The following MAGI2 variants were observed in gnomAD, a reference collection of about 807,000 sequenced individuals.
MAGI2 encodes membrane associated guanylate kinase, WW and PDZ domain containing 2.
Under a neutral mutation model 133.3 loss-of-function variants are expected in MAGI2, and 35 were observed. The observed-to-expected ratio is 0.26, with a 90% CI of 0.20 to 0.35. The LOEUF (loss-of-function observed/expected upper bound fraction) is 0.35. Among genes scored for constraint, MAGI2 ranks in the 10% least tolerant of loss-of-function variants. The probability of loss-of-function intolerance (pLI) is 1.00; values close to 1 mark genes in which losing one functional copy is unlikely to be tolerated. For missense variants in MAGI2, 1,636 were observed against 1,863.4 expected (o/e 0.88, Z 2.25); for synonymous variants, 729 against 710.6 (o/e 1.03, Z -0.41).
At chr7:78,970,449 A>T (rs1241308397) in intron 2 of MAGI2, among the ~76,000 whole-genome samples, 1 of 152,080 alleles carries the variant, frequency 6.6e-6, no homozygotes, top group Admixed American at 6.6e-5. Flanking sequence ...GAATTAAAAT[A>T]ACTTGAGATC....
chr7:78,538,415 G>A (rs770879161), intron 3 of MAGI2, among the ~76,000 whole-genome samples: 1 of 152,158 alleles, frequency 6.6e-6, no homozygotes. Flanking sequence ...ATTGCTTTTG[G>A]CAGTGTTGTC....
intron 16 of MAGI2, chr7:78,158,082 T>C (rs1360925163): frequency 6.6e-6 from 1 of 152,192 alleles, no homozygotes; most frequent in Non-Finnish European, 1.5e-5. Context: ...CACATAAAGT[T>C]CTTATTCATT....
At chr7:78,695,041 C>A (rs557410373) in intron 2 of MAGI2, among the ~76,000 whole-genome samples, 2 of 151,944 alleles carry the variant, frequency 1.3e-5, no homozygotes, top group Non-Finnish European at 2.9e-5. Flanking sequence ...CTGGCTAACA[C>A]GGTGAAACCC....
intron 3 of MAGI2, chr7:78,615,558 G>A (rs947972221): frequency 6.6e-6 from 1 of 152,204 alleles, no homozygotes. Context: ...AGCCAAAAGG[G>A]AACAGATCCC....
intron 2 of MAGI2, among the ~76,000 whole-genome samples, chr7:78,819,118 C>G: frequency 6.6e-6 from 1 of 151,944 alleles, no homozygotes. Context: ...ACCCACATAC[C>G]CAGATCACAT....
At chr7:78,038,536 C>T (rs990050223) in intron 21 of MAGI2, among the ~76,000 whole-genome samples, 2 of 151,906 alleles carry the variant, frequency 1.3e-5, no homozygotes, top group Admixed American at 1.3e-4. Flanking sequence ...TCAAAGTGTC[C>T]TCTGTGGACC....
At chr7:79,058,840 T>C (rs1264207215) in intron 1 of MAGI2, among the ~76,000 whole-genome samples, 1 of 152,146 alleles carries the variant, frequency 6.6e-6, no homozygotes, top group African/African-American at 2.4e-5. Context: ...ATACCAGTGA[T>C]GCAGGGCACC....
chr7:79,121,678 CAAT>C (rs1287644193), intron 1 of MAGI2, among the ~76,000 whole-genome samples: 3 of 152,100 alleles, frequency 2.0e-5, no homozygotes, highest in African/African-American at 7.2e-5. Context: ...AAAGATCTTG[CAAT>C]AATCTTTGAC....
intron 1 of MAGI2, among the ~76,000 whole-genome samples, chr7:79,190,515 G>T (rs1461473806): frequency 6.6e-6 from 1 of 151,570 alleles, no homozygotes; most frequent in East Asian, 1.9e-4. Flanking sequence ...GTATATTTTG[G>T]ATACCAATTC....
chr7:78,795,578 C>T (rs1485712307), intron 2 of MAGI2, among the ~76,000 whole-genome samples: 1 of 151,984 alleles, frequency 6.6e-6, no homozygotes, highest in African/African-American at 2.4e-5. Flanking sequence ...ATTCCATGCT[C>T]ATGGATTGAA....
intron 9 of MAGI2, among the ~76,000 whole-genome samples, chr7:78,284,238 A>G (rs1170182296): frequency 6.6e-6 from 1 of 152,136 alleles, no homozygotes; most frequent in East Asian, 1.9e-4. Context: ...TTTTTTTAAG[A>G]ACCAGTTTCT....
At chr7:78,437,485 A>T (rs1800409357) in intron 6 of MAGI2, among the ~76,000 whole-genome samples, 1 of 152,164 alleles carries the variant, frequency 6.6e-6, no homozygotes, top group Admixed American at 6.5e-5. Context: ...TCAGTTTGAA[A>T]ATAAAATTTT....
At chr7:79,089,464 A>C (rs574906049) in intron 1 of MAGI2, among the ~76,000 whole-genome samples, 65 of 152,288 alleles carry the variant, frequency 4.3e-4, no homozygotes, top group African/African-American at 1.5e-3. Context: ...GTATATACCC[A>C]AAAGATTATA....
At chr7:78,510,151 A>G (rs1424942833) in intron 4 of MAGI2, among the ~76,000 whole-genome samples, 1 of 152,196 alleles carries the variant, frequency 6.6e-6, no homozygotes, top group Non-Finnish European at 1.5e-5. Flanking sequence ...AACTTTTTTT[A>G]CGTTTCCTTT....
intron 3 of MAGI2, chr7:78,554,505 A>G (rs1799617801): frequency 6.6e-6 from 1 of 152,248 alleles, no homozygotes. Context: ...TTCAGGACAC[A>G]TTACCCCAAA....
intron 1 of MAGI2, among the ~76,000 whole-genome samples, chr7:79,268,973 ATTG>A (rs1184739213): frequency 2.0e-5 from 3 of 152,176 alleles, no homozygotes; most frequent in African/African-American, 7.2e-5. Context: ...CACGTTTCAC[ATTG>A]TTTTCAAAAT....
chr7:78,564,159 G>C (rs755219615), intron 3 of MAGI2, among the ~76,000 whole-genome samples: 1 of 151,976 alleles, frequency 6.6e-6, no homozygotes, highest in Non-Finnish European at 1.5e-5. Flanking sequence ...GATAACTGTG[G>C]AAGAATCCCG....
chr7:79,018,759 C>G (rs1808998096), intron 1 of MAGI2, among the ~76,000 whole-genome samples: 1 of 152,028 alleles, frequency 6.6e-6, no homozygotes, highest in Non-Finnish European at 1.5e-5. Context: ...TAATTTCAGA[C>G]AAAACAGACT....
At chr7:79,425,382 G>C (rs976231601) in intron 1 of MAGI2, among the ~76,000 whole-genome samples, 1 of 151,926 alleles carries the variant, frequency 6.6e-6, no homozygotes, top group East Asian at 1.9e-4. Flanking sequence ...AAAATTAGTA[G>C]TATTCTGACT....
Sources: gnomAD v4.1 joint callset for allele counts (sites outside exome capture counted in the v4.1 genomes callset) on GRCh38, gnomAD v4.1.1 for gene constraint, MANE v1.5 for transcripts, NCBI Gene and HGNC (gene_info 2026-07-23, HGNC 2026-07-21) for gene names.